The following ROR1 variants were observed in gnomAD, a reference collection of about 807,000 sequenced individuals.
The protein encoded by ROR1 is ROR family WNT receptor 1.
A neutral mutation model predicts 78.8 loss-of-function variants in ROR1; 19 were observed. That is an observed-to-expected ratio of 0.24 (90% CI 0.17 to 0.35). The LOEUF is 0.35. Ranked by LOEUF, ROR1 falls within the 10% of genes least tolerant of loss-of-function variation. The pLI, the probability that ROR1 is intolerant of heterozygous loss-of-function variation, is 1.00. For synonymous variants in ROR1, 386 were observed against 433.6 expected (o/e 0.89, Z 1.36); for missense variants, 917 against 1,177.8 (o/e 0.78, Z 3.24).
At chr1:63,881,680 A>G (rs906562925) in intron 1 of ROR1, among the ~76,000 whole-genome samples, 1 of 152,194 alleles carries the variant, frequency 6.6e-6, no homozygotes, top group Non-Finnish European at 1.5e-5. Context: ...AAACAAAGTC[A>G]TTCACTCACC....
At chr1:63,812,690 A>T (rs1485659452) in intron 1 of ROR1, among the ~76,000 whole-genome samples, 3 of 152,220 alleles carry the variant, frequency 2.0e-5, no homozygotes, top group East Asian at 3.8e-4. Context: ...ATTTCCCATA[A>T]TATAACTTTG....
chr1:64,119,100 C>A (rs1348847252), intron 4 of ROR1, among the ~76,000 whole-genome samples: 1 of 152,102 alleles, frequency 6.6e-6, no homozygotes, highest in African/African-American at 2.4e-5. Context: ...TCTTAAAGAG[C>A]CATTTCAATT....
chr1:63,919,844 G>A (rs548133871), intron 1 of ROR1, among the ~76,000 whole-genome samples: 7 of 152,230 alleles, frequency 4.6e-5, no homozygotes, highest in South Asian at 4.1e-4. Context: ...TTAAAGCTTC[G>A]TCTCAGAATA....
intron 1 of ROR1, among the ~76,000 whole-genome samples, chr1:63,877,785 C>T (rs1467996651): frequency 2.6e-5 from 4 of 152,102 alleles, no homozygotes; most frequent in African/African-American, 9.6e-5. Context: ...ATTTATTAGA[C>T]ATTTTGGGGG....
In ROR1 at chr1:64,178,733, G is replaced by T. The variant is rs777777494; in HGVS notation, c.2692G>T (p.Gly898Cys). The part of the protein sequence containing the change: ...MSIPNHPGGM[G>C]ITVFGNKSQK... ...AATTCCAAATCATCCTGGTGGAATG[G>T]GTATCACCGTTTTTGGCAACAAATC... The change falls in exon 9 of 9, where the codon GGT becomes TGT. Residue 898 changes from glycine (G) to cysteine (C), a missense_variant. Around this residue, in one of 3 missense-constraint regions of ROR1, gnomAD observed 835 missense variants for 1,069.8 expected, o/e 0.78. Transcript: ENST00000371079. This position sits in a 1 kb window ranked among gnomAD's most constrained non-coding sequence, Gnocchi z 4.3. 1 of 1,613,992 alleles carries T rather than the reference G, an allele frequency of 6.2e-7. No individual in the cohort carries two copies. Among genetic ancestry groups the T allele is most frequent in the South Asian group, 1.1e-5 (1 of 91,070 alleles).
intron 1 of ROR1, among the ~76,000 whole-genome samples, chr1:63,807,913 C>G (rs1475397664): frequency 1.3e-5 from 2 of 152,118 alleles, no homozygotes; most frequent in East Asian, 1.9e-4. Context: ...TTATTCATGT[C>G]TCTCCAACAC....
chr1:64,063,856 A>C (rs1447646256), intron 4 of ROR1, among the ~76,000 whole-genome samples: 1 of 152,134 alleles, frequency 6.6e-6, no homozygotes, highest in Admixed American at 6.6e-5. Context: ...TATTTTATCA[A>C]ATCACCCCAA....
intron 1 of ROR1, among the ~76,000 whole-genome samples, chr1:63,845,222 T>G (rs1249478891): frequency 6.6e-6 from 1 of 152,196 alleles, no homozygotes; most frequent in Non-Finnish European, 1.5e-5. Flanking sequence ...TTTCAAATAA[T>G]TAGAGCACAG....
intron 4 of ROR1, among the ~76,000 whole-genome samples, chr1:64,128,483 A>C (rs1648797220): frequency 6.6e-6 from 1 of 151,810 alleles, no homozygotes; most frequent in Non-Finnish European, 1.5e-5. Flanking sequence ...AATAAAGAAA[A>C]ATGCATGGAG....
intron 4 of ROR1, chr1:64,106,754 A>G (rs1313291710): frequency 1.3e-5 from 2 of 152,158 alleles, no homozygotes; most frequent in African/African-American, 2.4e-5. Flanking sequence ...GTGACGGATT[A>G]TGTTTATTGA....
chr1:63,776,226 G>A (rs769388351), intron 1 of ROR1, among the ~76,000 whole-genome samples: 138 of 152,078 alleles, frequency 9.1e-4, no homozygotes, highest in Non-Finnish European at 1.8e-3. Flanking sequence ...TGGGGGTGGG[G>A]GTCACTTACC....
chr1:64,050,093 GC>G, intron 3 of ROR1, 115 bp downstream of exon 3: 1 of 1,193,782 alleles, frequency 8.4e-7, no homozygotes, highest in Non-Finnish European at 1.2e-6. Context: ...TGTACTCTGT[GC>G]CCACAACCCT....
chr1:64,088,028 C>A (rs1243247846), intron 4 of ROR1, among the ~76,000 whole-genome samples: 1 of 152,172 alleles, frequency 6.6e-6, no homozygotes, highest in East Asian at 1.9e-4. Context: ...TGACACACAC[C>A]AAGCTACATT....
At chr1:64,118,039 G>GA (rs781402602) in intron 4 of ROR1, among the ~76,000 whole-genome samples, 2 of 151,860 alleles carry the variant, frequency 1.3e-5, no homozygotes, top group South Asian at 2.1e-4. Flanking sequence ...TTTCTCTACA[G>GA]AAAAAACACA....
Position 64,104,828 on chromosome 1 carries a change from A to G in ROR1, c.483-32541A>G, listed in dbSNP as rs376968550. Among the ~76,000 whole-genome samples the G allele has an allele frequency of 2.0e-3, 309 of 152,310 alleles. 1 individual carries two copies. Among genetic ancestry groups the G allele is most frequent in the African/African-American group, 7.3e-3 (302 of 41,562 alleles). ...ATGGCTGCATAGTATTCCATGGTGT[A>G]TATGTACCACATTTTCTTTATCCAG... On this transcript the variant is annotated intron_variant, in intron 4 of 8. Coordinates refer to ENST00000371079, the MANE Select transcript of ROR1 (RefSeq NM_005012.4).
At chr1:64,079,820 A>G (rs1452753090) in intron 4 of ROR1, among the ~76,000 whole-genome samples, 1 of 134,026 alleles carries the variant, frequency 7.5e-6, no homozygotes, top group African/African-American at 2.9e-5. Context: ...CAGTTTAAGA[A>G]CTGTGGAAAC....
chr1:64,098,345 G>A (rs914988671), intron 4 of ROR1, among the ~76,000 whole-genome samples: 2 of 152,084 alleles, frequency 1.3e-5, no homozygotes, highest in Non-Finnish European at 2.9e-5. Context: ...TGCAGTTCAG[G>A]TACCACAAGG....
At chr1:64,142,351 TC>T in intron 6 of ROR1, 53 bp from the exon 7 acceptor site, 1 of 1,602,682 alleles carries the variant, frequency 6.2e-7, no homozygotes, top group Non-Finnish European at 8.5e-7. Flanking sequence ...AGAGGAGAGC[TC>T]CAGCATCTCC....
chr1:63,888,399 G>A (rs146488154), intron 1 of ROR1, among the ~76,000 whole-genome samples: 1 of 152,154 alleles, frequency 6.6e-6, no homozygotes, highest in Non-Finnish European at 1.5e-5. Flanking sequence ...AGGACTGCTT[G>A]AGCCCAGGAG....
Sources: allele counts gnomAD v4.1 joint callset (sites outside exome capture counted in the v4.1 genomes callset), GRCh38; gene constraint gnomAD v4.1.1; regional missense constraint gnomAD v4.1.1; non-coding constraint Gnocchi (gnomAD v3.1); transcripts MANE v1.5; gene names NCBI Gene and HGNC (gene_info 2026-07-23, HGNC 2026-07-21).